CSMD2: variants seen among roughly 807,000 people sequenced by gnomAD.
The protein encoded by CSMD2 is CUB and Sushi multiple domains 2, also known as CUB and sushi domain-containing protein 2.
CSMD2 carries 130 observed loss-of-function variants against 398.5 expected under a neutral mutation model. That is an observed-to-expected ratio of 0.33 (90% confidence interval 0.28 to 0.38). The LOEUF is 0.38. CSMD2 is among the 10% of genes least tolerant of loss of function. The probability of loss-of-function intolerance (pLI) is 1.00; values close to 1 mark genes in which losing one functional copy is unlikely to be tolerated. For synonymous variants in CSMD2, 1,828 were observed against 1,908.5 expected, an observed-to-expected ratio of 0.96 and a Z score of 1.10; for missense variants, 3,829 against 4,764.9, an observed-to-expected ratio of 0.80 and a Z score of 5.78.
At chr1:34,144,060 C>A (rs1264193596) in intron 1 of CSMD2, among the ~76,000 whole-genome samples, 1 of 152,008 alleles carries the variant, frequency 6.6e-6, no homozygotes, top group Non-Finnish European at 1.5e-5. Context: ...ATAAGCGGGC[C>A]AGATGATCAA....
chr1:33,985,252 C>A (rs568986860), intron 3 of CSMD2, among the ~76,000 whole-genome samples: 95 of 152,300 alleles, frequency 6.2e-4, no homozygotes, highest in Non-Finnish European at 1.0e-3. Context: ...TCCACCCCAC[C>A]CCTCCCTGGG....
chr1:33,522,627 C>T (rs925344331), intron 67 of CSMD2, among the ~76,000 whole-genome samples: 1 of 152,190 alleles, frequency 6.6e-6, no homozygotes, highest in Non-Finnish European at 1.5e-5. Context: ...CACTGTGACT[C>T]CCTAGCTCTC....
At chr1:33,988,134 G>A (rs1646424220) in intron 3 of CSMD2, among the ~76,000 whole-genome samples, 1 of 152,184 alleles carries the variant, frequency 6.6e-6, no homozygotes, top group Non-Finnish European at 1.5e-5. Flanking sequence ...AGAGTCTAGC[G>A]CAGTGCCAAG....
chr1:33,622,443 G>T (rs144359847), intron 36 of CSMD2, among the ~76,000 whole-genome samples, 172 bp from the exon 37 acceptor site: 1 of 152,292 alleles, frequency 6.6e-6, no homozygotes, highest in Non-Finnish European at 1.5e-5. Flanking sequence ...AGAGGGCTAG[G>T]TCTCTACTGG....
intron 3 of CSMD2, among the ~76,000 whole-genome samples, chr1:34,032,147 GTTC>G (rs1281023603): frequency 6.6e-6 from 1 of 152,116 alleles, no homozygotes; most frequent in Non-Finnish European, 1.5e-5. Context: ...AAAATCGATT[GTTC>G]TTCTCTGAAT....
At chr1:33,744,251 G>A (rs778181283) in intron 13 of CSMD2, among the ~76,000 whole-genome samples, 19 of 152,168 alleles carry the variant, frequency 1.2e-4, no homozygotes, top group Non-Finnish European at 2.2e-4. Context: ...TTCCCCAGGC[G>A]GTAACCGGGT....
intron 4 of CSMD2, among the ~76,000 whole-genome samples, chr1:33,929,977 C>T (rs969897115): frequency 2.0e-5 from 3 of 152,206 alleles, no homozygotes; most frequent in African/African-American, 4.8e-5. Context: ...TAAGACTTTA[C>T]TTCCTCGTAG....
At chr1:34,113,324 C>T (rs572446239) in intron 1 of CSMD2, among the ~76,000 whole-genome samples, 1 of 152,278 alleles carries the variant, frequency 6.6e-6, no homozygotes, top group South Asian at 2.1e-4. Flanking sequence ...GGCAGAGCAG[C>T]GACCCAGGAC....
intron 62 of CSMD2, among the ~76,000 whole-genome samples, chr1:33,535,941 G>A (rs972688432): frequency 6.6e-6 from 1 of 151,856 alleles, no homozygotes; most frequent in African/African-American, 2.4e-5. Flanking sequence ...ACCGTGTCGT[G>A]TCTACTGCTC....
intron 13 of CSMD2, among the ~76,000 whole-genome samples, chr1:33,760,515 G>A (rs2149300529): frequency 6.6e-6 from 1 of 152,286 alleles, no homozygotes; most frequent in African/African-American, 2.4e-5. Flanking sequence ...GCCAAAGTTG[G>A]AGCAAATATG....
At chr1:33,530,406 C>T (rs1186350372) in intron 64 of CSMD2, among the ~76,000 whole-genome samples, 1 of 152,128 alleles carries the variant, frequency 6.6e-6, no homozygotes, top group Non-Finnish European at 1.5e-5. Flanking sequence ...TCACCTCCTA[C>T]CTGTTAGAAG....
chr1:34,153,766 C>A (rs537064986), intron 1 of CSMD2, among the ~76,000 whole-genome samples: 1 of 152,190 alleles, frequency 6.6e-6, no homozygotes, highest in Non-Finnish European at 1.5e-5. Flanking sequence ...TTCTAGAACT[C>A]CTCAGAGCCC....
intron 52 of CSMD2, among the ~76,000 whole-genome samples, chr1:33,568,336 C>T (rs1310430189): frequency 6.6e-6 from 1 of 152,076 alleles, no homozygotes; most frequent in East Asian, 1.9e-4. Flanking sequence ...TACAGGCATC[C>T]ACCACCATAC....
intron 5 of CSMD2, among the ~76,000 whole-genome samples, chr1:33,851,061 G>T (rs552778044): frequency 6.6e-6 from 1 of 152,172 alleles, no homozygotes; most frequent in East Asian, 1.9e-4. Context: ...TGTAAGTCGA[G>T]GGGGAGGAGT....
chr1:33,611,337 G>A (rs1283801773), intron 40 of CSMD2, 87 bp from the exon 41 acceptor site: 2 of 1,147,048 alleles, frequency 1.7e-6, no homozygotes, highest in Non-Finnish European at 2.6e-6. Flanking sequence ...TCCTGCCAGA[G>A]CCATGAGTCC....
At chr1:33,697,822 T>C (rs956366927) in intron 24 of CSMD2, among the ~76,000 whole-genome samples, 5 of 152,360 alleles carry the variant, frequency 3.3e-5, no homozygotes, top group African/African-American at 1.2e-4. Flanking sequence ...GTGAACAGGT[T>C]TTATTCTTCA....
At chr1:33,702,441 C>A (rs1393746308) in intron 22 of CSMD2, among the ~76,000 whole-genome samples, 1 of 152,144 alleles carries the variant, frequency 6.6e-6, no homozygotes, top group African/African-American at 2.4e-5. Context: ...ATGTTACTTG[C>A]ATCATTACAA....
At chr1:33,909,335 G>A (rs1386881349) in intron 5 of CSMD2, among the ~76,000 whole-genome samples, 12 of 152,138 alleles carry the variant, frequency 7.9e-5, no homozygotes, top group African/African-American at 2.9e-4. Flanking sequence ...CTTCTCAAAA[G>A]TCAGGTCTCA....
intron 53 of CSMD2, among the ~76,000 whole-genome samples, chr1:33,564,764 G>A (rs1369990290): frequency 6.6e-6 from 1 of 151,776 alleles, no homozygotes; most frequent in Non-Finnish European, 1.5e-5. Flanking sequence ...ATTGTTTTTT[G>A]AGAAGTTCTC....
Sources: allele counts gnomAD v4.1 joint callset (sites outside exome capture counted in the v4.1 genomes callset), GRCh38; gene constraint gnomAD v4.1.1; transcripts MANE v1.5; gene names NCBI Gene and HGNC (gene_info 2026-07-23, HGNC 2026-07-21).